The following PTPRT variants were observed in gnomAD, a reference collection of about 807,000 sequenced individuals.
PTPRT encodes the protein protein tyrosine phosphatase receptor type T.
Under a neutral mutation model 176.8 loss-of-function variants are expected in PTPRT, and 56 were observed. The ratio of observed to expected loss-of-function variants is 0.32; its 90% CI spans 0.26 to 0.40. The LOEUF is 0.40. Among genes scored for constraint, PTPRT ranks in the 10% least tolerant of loss-of-function variants. The pLI is 1.00. For synonymous variants in PTPRT, 783 were observed against 739.0 expected, an observed-to-expected ratio of 1.06 and a Z score of -0.96; for missense variants, 1,540 against 1,908.2, an observed-to-expected ratio of 0.81 and a Z score of 3.60.
intron 2 of PTPRT, among the ~76,000 whole-genome samples, chr20:42,819,044 G>C (rs1010437458): frequency 2.0e-5 from 3 of 152,096 alleles, no homozygotes; most frequent in Middle Eastern, 3.2e-3. Flanking sequence ...TTCAGGAAAT[G>C]CAAAGAAACC....
intron 9 of PTPRT, among the ~76,000 whole-genome samples, chr20:42,383,903 G>A (rs1490963926): frequency 6.6e-6 from 1 of 152,206 alleles, no homozygotes. Flanking sequence ...TTATTGCTAG[G>A]TGATGTTGGT....
At chr20:42,604,703 A>C (rs2145801700) in intron 7 of PTPRT, among the ~76,000 whole-genome samples, 1 of 152,304 alleles carries the variant, frequency 6.6e-6, no homozygotes. Flanking sequence ...GGAATCAATA[A>C]GCCTTCCTAA....
At chr20:42,977,108 G>C (rs1264450944) in intron 1 of PTPRT, among the ~76,000 whole-genome samples, 1 of 152,146 alleles carries the variant, frequency 6.6e-6, no homozygotes, top group Admixed American at 6.5e-5. Context: ...AGACTCATAG[G>C]AGAATTCAAA....
At chr20:42,446,632 G>C (rs1484028348) in intron 9 of PTPRT, among the ~76,000 whole-genome samples, 1 of 149,746 alleles carries the variant, frequency 6.7e-6, no homozygotes, top group East Asian at 2.0e-4. Context: ...GAGAGAGAGA[G>C]AGAGATTGTG....
At chr20:42,934,411 A>C (rs1225112189) in intron 1 of PTPRT, among the ~76,000 whole-genome samples, 1 of 152,242 alleles carries the variant, frequency 6.6e-6, no homozygotes, top group Non-Finnish European at 1.5e-5. Flanking sequence ...GAGCAGTTTA[A>C]AACAGTATAC....
chr20:42,524,318 C>T lies in PTPRT; in HGVS notation c.1154-51756G>A, dbSNP rs980289985. On this transcript the variant is annotated intron_variant, in intron 7 of 30. Coordinates refer to ENST00000373187, the MANE Select transcript of PTPRT (RefSeq NM_007050.6). ...ATTTTCCCTTTCCTCAGCTAAAATGCTTTGACTTTCCTATGAGATTTTATT... is the reference window on the plus strand; with the variant it reads ...ATTTTCCCTTTCCTCAGCTAAAATGTTTTGACTTTCCTATGAGATTTTATT... Among the ~76,000 whole-genome samples, 15 of 152,226 alleles carry T rather than the reference C, an allele frequency of 9.9e-5. No individual in the cohort carries two copies. In the South Asian group the frequency reaches 2.9e-3, roughly 29 times the overall value.
intron 1 of PTPRT, among the ~76,000 whole-genome samples, chr20:42,891,134 G>T (rs1246403740): frequency 1.3e-5 from 2 of 152,284 alleles, no homozygotes; most frequent in African/African-American, 4.8e-5. Context: ...GACTAATACA[G>T]TCCCCAAAGA....
At chr20:42,650,132 A>C (rs1458690568) in intron 7 of PTPRT, among the ~76,000 whole-genome samples, 1 of 152,230 alleles carries the variant, frequency 6.6e-6, no homozygotes, top group Non-Finnish European at 1.5e-5. Flanking sequence ...AAGAAGGTAC[A>C]AACAGATATT....
At chr20:42,980,327 C>T (rs1028381084) in intron 1 of PTPRT, among the ~76,000 whole-genome samples, 5 of 152,328 alleles carry the variant, frequency 3.3e-5, no homozygotes, top group Admixed American at 6.5e-5. Flanking sequence ...AGATCCAACA[C>T]GGTCTCATTC....
chr20:43,001,720 G>A (rs141867797), intron 1 of PTPRT, among the ~76,000 whole-genome samples: 39 of 152,190 alleles, frequency 2.6e-4, no homozygotes, highest in South Asian at 6.2e-4. Context: ...ACATGATTAA[G>A]CTGGATTCAA....
At chr20:42,308,250 C>T (rs571098603) in intron 12 of PTPRT, among the ~76,000 whole-genome samples, 6 of 152,170 alleles carry the variant, frequency 3.9e-5, no homozygotes, top group East Asian at 1.9e-4. Context: ...AATAAACTTG[C>T]GTGGACTTGC....
At chr20:42,723,001 C>T (rs990179675) in intron 6 of PTPRT, among the ~76,000 whole-genome samples, 1 of 152,170 alleles carries the variant, frequency 6.6e-6, no homozygotes, top group African/African-American at 2.4e-5. Flanking sequence ...GCTTCTGATA[C>T]TGAATGAGTG....
At chr20:42,189,119 C>T (rs1990893247) in intron 16 of PTPRT, among the ~76,000 whole-genome samples, 1 of 151,674 alleles carries the variant, frequency 6.6e-6, no homozygotes, top group Non-Finnish European at 1.5e-5. Context: ...GCTACCATTC[C>T]AGCTTCGTCT....
chr20:42,928,997 G>C (rs1351012005), intron 1 of PTPRT, among the ~76,000 whole-genome samples: 1 of 152,200 alleles, frequency 6.6e-6, no homozygotes, highest in East Asian at 1.9e-4. Flanking sequence ...CAGGAGAACA[G>C]AACATACCCC....
At chr20:42,359,812 C>T (rs762496509) in intron 9 of PTPRT, among the ~76,000 whole-genome samples, 3 of 152,230 alleles carry the variant, frequency 2.0e-5, no homozygotes, top group African/African-American at 2.4e-5. Context: ...ACACCTTCCC[C>T]AGCACTGCCA....
intron 28 of PTPRT, among the ~76,000 whole-genome samples, chr20:42,085,325 T>G (rs1983776589): frequency 6.6e-6 from 1 of 152,200 alleles, no homozygotes; most frequent in Admixed American, 6.5e-5. Context: ...ACTACTCTGC[T>G]CAGCCAGTGA....
chr20:42,239,460 G>A (rs527719160), intron 14 of PTPRT, among the ~76,000 whole-genome samples: 3 of 120,070 alleles, frequency 2.5e-5, no homozygotes, highest in South Asian at 5.7e-4. Flanking sequence ...TCACTCTGTC[G>A]CCCAGGCTGG....
intron 1 of PTPRT, among the ~76,000 whole-genome samples, chr20:43,069,543 C>A (rs928258915): frequency 1.3e-5 from 2 of 152,216 alleles, no homozygotes; most frequent in Non-Finnish European, 2.9e-5. Flanking sequence ...CATCCCTGAT[C>A]TATCCTTTAT....
the PTPRT span, among the ~76,000 whole-genome samples, chr20:42,061,040 T>A: frequency 1.3e-5 from 2 of 152,198 alleles, no homozygotes; most frequent in African/African-American, 4.8e-5. Context: ...GGAACCTATA[T>A]CATAGTGTTG....
Sources: allele counts gnomAD v4.1 joint callset (sites outside exome capture counted in the v4.1 genomes callset), GRCh38; gene constraint gnomAD v4.1.1; transcripts MANE v1.5; gene names NCBI Gene and HGNC (gene_info 2026-07-23, HGNC 2026-07-21).